WNT5A: variants seen among roughly 807,000 people sequenced by gnomAD.
WNT5A encodes Wnt family member 5A.
WNT5A carries 9 observed loss-of-function variants against 42.1 expected under a neutral mutation model. That is an observed-to-expected ratio of 0.21 (90% CI 0.13 to 0.37). WNT5A has a LOEUF of 0.37. Among genes scored for constraint, WNT5A ranks in the 10% least tolerant of loss-of-function variants. The probability of loss-of-function intolerance (pLI) is 1.00; values close to 1 mark genes in which losing one functional copy is unlikely to be tolerated. For synonymous variants in WNT5A, 210 were observed against 210.0 expected (o/e 1.00, Z 0.00); for missense variants, 426 against 534.0 (o/e 0.80, Z 1.99).
chr3:55,504,059 G>A, the WNT5A span, among the ~76,000 whole-genome samples: 1 of 152,100 alleles, frequency 6.6e-6, no homozygotes, highest in Non-Finnish European at 1.5e-5. Context: ...ATCACTTGAG[G>A]TCAGGAGTTC....
chr3:55,502,435 C>A, the WNT5A span, among the ~76,000 whole-genome samples: 35 of 152,258 alleles, frequency 2.3e-4, no homozygotes, highest in East Asian at 6.0e-3. Flanking sequence ...AAAGTCAAGA[C>A]AATTCCTTCC....
At position 55,467,817 on chromosome 3, in the gene WNT5A, T is replaced by G. The variant is rs1366241871; in HGVS notation, c.*2275A>C. The G allele has an allele frequency of 2.0e-5, 3 of 151,598 alleles. No homozygotes were observed. The South Asian group carries it at 6.3e-4, about 32-fold the overall frequency. The allele number at this position is 151,598 out of a possible 1,614,324, so 9.4% of individuals were successfully genotyped here. A position where few individuals can be genotyped will look rare whatever the true frequency, so the allele number is the denominator to read the frequency against. On this transcript the variant is annotated 3_prime_UTR_variant, in exon 5 of 5. Transcript: ENST00000264634. ...TTAAACTCAACTCTCTTCATAAACA[T>G]GAGTCACTAAAAAGGAACAATCTGA...
At chr3:55,472,495 G>C (rs1162075627) in intron 4 of WNT5A, among the ~76,000 whole-genome samples, 5 of 152,176 alleles carry the variant, frequency 3.3e-5, no homozygotes, top group African/African-American at 7.2e-5. Flanking sequence ...TGAAGAGGGT[G>C]ATAGCAAGGT....
At chr3:55,496,141 A>G in the WNT5A span, among the ~76,000 whole-genome samples, 1 of 117,342 alleles carries the variant, frequency 8.5e-6, no homozygotes, top group Admixed American at 7.8e-5. Flanking sequence ...TTAAATCCCA[A>G]GTCCTTTTAA....
At chr3:55,474,142 A>G (rs1304125367) in intron 4 of WNT5A, among the ~76,000 whole-genome samples, 195 bp downstream of exon 4, 1 of 152,162 alleles carries the variant, frequency 6.6e-6, no homozygotes, top group Admixed American at 6.5e-5. Flanking sequence ...AGACGGGAAC[A>G]GGATGAGGAG....
upstream of WNT5A, among the ~76,000 whole-genome samples, chr3:55,494,574 T>C (rs1036741147): frequency 3.3e-5 from 5 of 152,184 alleles, no homozygotes; most frequent in African/African-American, 7.2e-5. Flanking sequence ...GTCTCACTCT[T>C]GTCTCCCAGG....
At chr3:55,486,318 A>T (rs1308546204) in intron 1 of WNT5A, among the ~76,000 whole-genome samples, 2 of 152,134 alleles carry the variant, frequency 1.3e-5, no homozygotes, top group African/African-American at 4.8e-5. Context: ...AGTGGCGGCT[A>T]ATAATGCTAA....
intron 1 of WNT5A, among the ~76,000 whole-genome samples, chr3:55,485,328 G>A (rs949886739): frequency 6.6e-6 from 1 of 152,006 alleles, no homozygotes; most frequent in Admixed American, 6.6e-5. Context: ...AGTTCTGCGC[G>A]CATAGTGCTA....
chr3:55,479,041 T>G (rs1366283674), intron 3 of WNT5A: 1 of 265,092 alleles, frequency 3.8e-6, no homozygotes, highest in African/African-American at 2.2e-5. Context: ...TGCTTCTATT[T>G]TAAACAAAAT....
chr3:55,470,639 T>A (rs1027885570), intron 4 of WNT5A, 89 bp from the exon 5 acceptor site: 1 of 1,210,458 alleles, frequency 8.3e-7, no homozygotes, highest in Non-Finnish European at 1.1e-6. Flanking sequence ...ACCTTCTCCA[T>A]GGAGCTATGT....
chr3:55,503,965 A>C, the WNT5A span, among the ~76,000 whole-genome samples: 52 of 152,226 alleles, frequency 3.4e-4, no homozygotes, highest in African/African-American at 1.2e-3. Context: ...ACAAACGAAC[A>C]AAAAACAGGA....
Position 55,474,421 on chromosome 3 carries a change from G to A in WNT5A, c.600C>T (p.Arg200=), listed in dbSNP as rs756967642. 6.2e-7 allele frequency: 1 copy of A among 1,611,586 alleles called. No individual in the cohort carries two copies. Among genetic ancestry groups the A allele is most frequent in the South Asian group, 1.1e-5 (1 of 90,932 alleles). The change falls in exon 4 of 5, where the codon CGC becomes CGT. Residue 200 remains arginine (R), a synonymous_variant. Coordinates refer to ENST00000264634, the MANE Select transcript of WNT5A (RefSeq NM_003392.7). ...YRFAKEFVDA[R]ERERIHAKGS... ...CCTTGGCGTGGATGCGCTCCCGCTC[G>A]CGGGCGTCCACGAACTCCTTGGCAA... is the stretch of plus-strand genomic sequence containing the variant.
chr3:55,491,133 C>T (rs564662505), upstream of WNT5A, among the ~76,000 whole-genome samples: 7 of 152,176 alleles, frequency 4.6e-5, no homozygotes, highest in East Asian at 1.9e-4. Context: ...TTTCAGAGGA[C>T]GGTGTTAAGG....
the WNT5A span, among the ~76,000 whole-genome samples, chr3:55,496,978 T>G: frequency 6.6e-6 from 1 of 152,244 alleles, no homozygotes; most frequent in Non-Finnish European, 1.5e-5. Context: ...CAACAGATAT[T>G]TACGGGTCAC....
At chr3:55,470,709 C>T (rs1408773013) in intron 4 of WNT5A, among the ~76,000 whole-genome samples, 159 bp from the exon 5 acceptor site, 1 of 152,156 alleles carries the variant, frequency 6.6e-6, no homozygotes, top group Non-Finnish European at 1.5e-5. Context: ...CTTATGTTGC[C>T]TTCTTTAAAA....
At position 55,474,635 on chromosome 3, in the gene WNT5A, G is replaced by A. The variant is rs760365906; in HGVS notation, c.392-6C>T. ...GAAGGCCGTCTCGCGGCTGCCTGTG[G>A]GTGAGGACAAGGGATCACTGGCCGC... On this transcript the variant is annotated splice_region_variant and splice_polypyrimidine_tract_variant and intron_variant, in intron 3 of 4. Coordinates refer to ENST00000264634, the MANE Select transcript of WNT5A (RefSeq NM_003392.7). 2.5e-5 allele frequency: 36 copies of A among 1,421,058 alleles called. No homozygotes were observed. The highest frequency in any genetic ancestry group is 3.1e-5 in the Non-Finnish European group (34 of 1,092,780). 88.0% of individuals were successfully genotyped at this position (1,421,058 alleles called of 1,614,324 possible).
At chr3:55,473,463 AG>A (rs1357197254) in intron 4 of WNT5A, among the ~76,000 whole-genome samples, 2 of 152,184 alleles carry the variant, frequency 1.3e-5, no homozygotes, top group African/African-American at 4.8e-5. Context: ...GTTTAACCGC[AG>A]GAAAAAAAGG....
the WNT5A span, among the ~76,000 whole-genome samples, chr3:55,498,736 C>T: frequency 2.2e-4 from 33 of 152,198 alleles, no homozygotes; most frequent in South Asian, 6.8e-3. Context: ...AGAAGAGTCA[C>T]GTGACACAGA....
In WNT5A at chr3:55,470,092, C is replaced by T; in HGVS notation, c.1143G>A (p.Ter381=). ...GGGGCTGAGTGCTGGGTGGCACCCA[C>T]TACTTGCACACAAACTGGTCCACGA... ...TEIVDQFVCK[*] Residue 381 remains the stop codon, a stop_retained_variant, in exon 5 of 5, where the codon TAG becomes TAA. Transcript: ENST00000264634. The T allele has an allele frequency of 6.2e-7, 1 of 1,614,068 alleles. No individual in the cohort carries two copies. The highest frequency in any genetic ancestry group is 8.5e-7 in the Non-Finnish European group (1 of 1,179,914).
Sources: allele counts gnomAD v4.1 joint callset (sites outside exome capture counted in the v4.1 genomes callset), GRCh38; gene constraint gnomAD v4.1.1; transcripts MANE v1.5; gene names NCBI Gene and HGNC (gene_info 2026-07-23, HGNC 2026-07-21).